Variants in VAV3 observed in about 807,000 individuals in gnomAD.
VAV3 encodes the protein guanine nucleotide exchange factor VAV3.
Under a neutral mutation model 131.2 loss-of-function variants are expected in VAV3, and 94 were observed. The ratio of observed to expected loss-of-function variants is 0.72; its 90% confidence interval spans 0.61 to 0.85. The LOEUF (loss-of-function observed/expected upper bound fraction) is 0.85. VAV3 is among the 40% of genes least tolerant of loss of function. VAV3 has a pLI of 0.00. For synonymous variants in VAV3, 349 were observed against 342.0 expected (o/e 1.02, Z -0.22); for missense variants, 939 against 1,002.7 (o/e 0.94, Z 0.86).
intron 22 of VAV3, chr1:107,609,694 C>A (rs1570606245): frequency 2.4e-6 from 1 of 418,002 alleles, no homozygotes; most frequent in Non-Finnish European, 4.3e-6. Context: ...CTGGTATAAA[C>A]TTTAAATTAT....
chr1:107,661,417 T>C (rs960789420), intron 19 of VAV3, among the ~76,000 whole-genome samples: 3 of 152,242 alleles, frequency 2.0e-5, no homozygotes, highest in African/African-American at 4.8e-5. Flanking sequence ...CTCTGCAATG[T>C]CTTCGCAACC....
At chr1:107,813,966 CAGTGTG>C (rs1361831450) in intron 2 of VAV3, among the ~76,000 whole-genome samples, 96 of 85,860 alleles carry the variant, frequency 1.1e-3, no homozygotes, top group African/African-American at 3.5e-3. Flanking sequence ...AATAGTACTC[CAGTGTG>C]TGTGTGTGTG....
chr1:107,770,787 G>GAA, intron 5 of VAV3, 59 bp from the exon 6 acceptor site: 1 of 1,374,792 alleles, frequency 7.3e-7, no homozygotes, highest in Admixed American at 2.1e-5. Context: ...AACCTATCGG[G>GAA]AAGTAGAGAT....
chr1:107,793,892 A>G (rs1666419510), intron 2 of VAV3, among the ~76,000 whole-genome samples: 1 of 152,220 alleles, frequency 6.6e-6, no homozygotes, highest in African/African-American at 2.4e-5. Context: ...AAGGAAGCAG[A>G]TAGGACAAGC....
chr1:107,858,159 TAA>T (rs1669561168), intron 2 of VAV3, among the ~76,000 whole-genome samples: 1 of 152,186 alleles, frequency 6.6e-6, no homozygotes, highest in Admixed American at 6.6e-5. Flanking sequence ...CACCAGAATT[TAA>T]ACTAAAGGAG....
rs1259467008 is a variant in VAV3, at chr1:107,755,315, C to G, written c.1173+112G>C. 4.9e-6 allele frequency: 4 copies of G among 813,620 alleles called. No individual in the cohort carries two copies. In the African/African-American group the frequency reaches 6.9e-5, roughly 14 times the overall value. 50.4% of individuals were successfully genotyped at this position (813,620 alleles called of 1,614,324 possible). ...CACTGCCAAACAAAGGGACTGGCAA[C>G]AACCTCCAACAGTAGAAACTTGAAG... On this transcript the variant is annotated intron_variant, in intron 12 of 26. Transcript: ENST00000370056.
At chr1:107,891,999 G>A (rs1353241257) in intron 1 of VAV3, among the ~76,000 whole-genome samples, 1 of 152,042 alleles carries the variant, frequency 6.6e-6, no homozygotes, top group East Asian at 1.9e-4. Flanking sequence ...ATAGTATTTA[G>A]TCTAGTGAAA....
chr1:107,800,167 T>C (rs1666758331), intron 2 of VAV3, among the ~76,000 whole-genome samples: 1 of 152,216 alleles, frequency 6.6e-6, no homozygotes, highest in South Asian at 2.1e-4. Flanking sequence ...TGCAGATAGA[T>C]ACCTCTTCAA....
chr1:107,726,179 C>T (rs17019810), intron 15 of VAV3, among the ~76,000 whole-genome samples: 15,162 of 152,086 alleles, frequency 0.1, 933 homozygotes, highest in East Asian at 0.26. Context: ...ATTTGCAAAG[C>T]ACTTTTGGTT....
At chr1:107,884,405 T>TTTATTATTA (rs140793122) in intron 1 of VAV3, among the ~76,000 whole-genome samples, 4 of 141,702 alleles carry the variant, frequency 2.8e-5, no homozygotes, top group African/African-American at 5.3e-5. Context: ...AAATAAATTA[T>TTTATTATTA]TTATTATTAT....
At chr1:107,958,757 C>T (rs1429089269) in intron 1 of VAV3, among the ~76,000 whole-genome samples, 1 of 152,122 alleles carries the variant, frequency 6.6e-6, no homozygotes, top group Non-Finnish European at 1.5e-5. Flanking sequence ...AGGTATTTCT[C>T]ATAATGTTAT....
chr1:107,958,324 TG>T (rs1674915673), intron 1 of VAV3, among the ~76,000 whole-genome samples: 3 of 152,194 alleles, frequency 2.0e-5, no homozygotes, highest in Admixed American at 1.3e-4. Context: ...TGTGTAGACA[TG>T]TATTTGGAAT....
chr1:107,839,300 ATACCT>A (rs1484052195), intron 2 of VAV3, among the ~76,000 whole-genome samples: 1 of 152,172 alleles, frequency 6.6e-6, no homozygotes, highest in Non-Finnish European at 1.5e-5. Flanking sequence ...TGAATAAAAC[ATACCT>A]TAACAGAATA....
intron 1 of VAV3, among the ~76,000 whole-genome samples, chr1:107,942,935 T>C (rs1200924562): frequency 6.6e-6 from 1 of 152,206 alleles, no homozygotes; most frequent in Non-Finnish European, 1.5e-5. Context: ...AATTATGAAA[T>C]CCAGAGCAAA....
intron 2 of VAV3, among the ~76,000 whole-genome samples, chr1:107,800,983 T>C (rs1244608960): frequency 6.6e-6 from 1 of 152,210 alleles, no homozygotes; most frequent in Non-Finnish European, 1.5e-5. Flanking sequence ...TAATCCATTT[T>C]GCTTTTTGTA....
chr1:107,948,220 C>T (rs1017506399), intron 1 of VAV3, among the ~76,000 whole-genome samples: 1 of 152,040 alleles, frequency 6.6e-6, no homozygotes, highest in African/African-American at 2.4e-5. Context: ...TTCCCCTAAA[C>T]TACTGCATCC....
intron 19 of VAV3, among the ~76,000 whole-genome samples, chr1:107,654,291 T>A (rs963667921): frequency 6.6e-6 from 1 of 152,044 alleles, no homozygotes; most frequent in Non-Finnish European, 1.5e-5. Flanking sequence ...GTGAGAATGA[T>A]AGCTTTTATA....
rs1301161470 is a variant in VAV3, at chr1:107,602,389, A to G, written c.2220+8T>C. The G allele has an allele frequency of 1.3e-6, 2 of 1,528,868 alleles. No individual in the cohort carries two copies. The highest frequency in any genetic ancestry group is 1.8e-6 in the Non-Finnish European group (2 of 1,130,928). 94.7% of individuals were successfully genotyped at this position (1,528,868 alleles called of 1,614,324 possible). A position where few individuals can be genotyped will look rare whatever the true frequency, so the allele number is the denominator to read the frequency against. Reference sequence around the variant, plus strand: ...ATCCCAGATTGAAAAGAAATAATCAATGCTTACCATTAAACTTTTAAATTT... The same window carrying G: ...ATCCCAGATTGAAAAGAAATAATCAGTGCTTACCATTAAACTTTTAAATTT... On this transcript the variant is annotated splice_region_variant and intron_variant, in intron 24 of 26. Transcript: ENST00000370056.
At chr1:107,844,055 G>A (rs1668849815) in intron 2 of VAV3, among the ~76,000 whole-genome samples, 1 of 152,098 alleles carries the variant, frequency 6.6e-6, no homozygotes, top group African/African-American at 2.4e-5. Context: ...AACAGTTCCA[G>A]TCTGCAGCAA....
Sources: gnomAD v4.1 joint callset for allele counts (sites outside exome capture counted in the v4.1 genomes callset) on GRCh38, gnomAD v4.1.1 for gene constraint, MANE v1.5 for transcripts, NCBI Gene and HGNC (gene_info 2026-07-23, HGNC 2026-07-21) for gene names.